ARHGAP6: variants seen among roughly 807,000 people sequenced by gnomAD.
The protein encoded by ARHGAP6 is Rho GTPase activating protein 6.
Under a neutral mutation model 55.7 loss-of-function variants are expected in ARHGAP6, and 16 were observed. That is an observed-to-expected ratio of 0.29 (90% CI 0.19 to 0.44). The LOEUF (loss-of-function observed/expected upper bound fraction) is 0.44. Ranked by LOEUF, ARHGAP6 falls within the 20% of genes least tolerant of loss-of-function variation. The probability of loss-of-function intolerance (pLI) is 1.00; values close to 1 mark genes in which losing one functional copy is unlikely to be tolerated. For synonymous variants in ARHGAP6, 382 were observed against 360.9 expected (o/e 1.06, Z -0.66); for missense variants, 698 against 808.9 (o/e 0.86, Z 1.66).
intron 9 of ARHGAP6, among the ~76,000 whole-genome samples, chrX:11,160,456 C>CAAA (rs558867795): frequency 0.025 from 1,882 of 75,428 alleles, 29 homozygotes; most frequent in Middle Eastern, 0.079. Context: ...GACTCTGTCT[C>CAAA]AAAAAAAAAA....
At chrX:11,213,485 G>T (rs907793688) in intron 2 of ARHGAP6, among the ~76,000 whole-genome samples, 14 of 112,239 alleles carry the variant, frequency 1.2e-4, no homozygotes, top group Middle Eastern at 4.6e-3. Context: ...CAATAGCAAA[G>T]ATATGGAATC....
intron 1 of ARHGAP6, chrX:11,265,776 T>A (rs1461421339): frequency 2.0e-5 from 19 of 929,116 alleles, no homozygotes; most frequent in South Asian, 4.7e-5. Flanking sequence ...TTTAAAAAAA[T>A]TATTTTTTTG....
intron 1 of ARHGAP6, among the ~76,000 whole-genome samples, chrX:11,327,175 T>C (rs1233880331): frequency 8.9e-6 from 1 of 112,293 alleles, no homozygotes; most frequent in Admixed American, 9.5e-5. Context: ...TTAGATTACA[T>C]GTCATCAACA....
chrX:11,151,260 C>A (rs918258685), intron 10 of ARHGAP6, among the ~76,000 whole-genome samples: 1 of 99,148 alleles, frequency 1.0e-5, no homozygotes. Flanking sequence ...GTCTTGCTTT[C>A]TTTTTTTTTT....
intron 1 of ARHGAP6, among the ~76,000 whole-genome samples, chrX:11,508,767 T>C (rs2050757481): frequency 1.9e-5 from 2 of 108,022 alleles, no homozygotes; most frequent in South Asian, 8.3e-4. Flanking sequence ...CCCCACCCCT[T>C]TCGAATCTCA....
chrX:11,321,452 A>T (rs2048431460), intron 1 of ARHGAP6, among the ~76,000 whole-genome samples: 1 of 112,065 alleles, frequency 8.9e-6, no homozygotes, highest in South Asian at 3.7e-4. Flanking sequence ...ATATAAAAAT[A>T]GTGCAATAAA....
intron 1 of ARHGAP6, among the ~76,000 whole-genome samples, chrX:11,320,314 C>T (rs945588779): frequency 5.4e-5 from 6 of 111,662 alleles, no homozygotes; most frequent in African/African-American, 2.0e-4. Flanking sequence ...CAGACCTCAG[C>T]GGCTACCAAT....
chrX:11,367,278 G>A (rs1056084894), intron 1 of ARHGAP6, among the ~76,000 whole-genome samples: 2 of 111,863 alleles, frequency 1.8e-5, no homozygotes, highest in African/African-American at 6.5e-5. Flanking sequence ...AAAAAGAGAT[G>A]GCTTTCAGAA....
intron 1 of ARHGAP6, among the ~76,000 whole-genome samples, chrX:11,463,309 A>C (rs780636076): frequency 9.0e-6 from 1 of 111,609 alleles, no homozygotes; most frequent in East Asian, 2.8e-4. Context: ...TAATTCAACT[A>C]TTGTGGTTTT....
At chrX:11,229,483 A>G (rs1401581332) in intron 2 of ARHGAP6, among the ~76,000 whole-genome samples, 1 of 112,036 alleles carries the variant, frequency 8.9e-6, no homozygotes, top group Admixed American at 9.5e-5. Context: ...ATGGCAAGGT[A>G]AATTATGTAG....
At chrX:11,371,865 A>C (rs1054491399) in intron 1 of ARHGAP6, among the ~76,000 whole-genome samples, 1 of 112,466 alleles carries the variant, frequency 8.9e-6, no homozygotes, top group African/African-American at 3.2e-5. Flanking sequence ...TGCTGTAAGT[A>C]CTACAGGAAA....
In ARHGAP6 at chrX:11,196,948, C is replaced by G. The variant is rs2147362130; in HGVS notation, c.797G>C (p.Gly266Ala). Residue 266 changes from glycine to alanine, a missense_variant, in exon 3 of 13, where the codon GGA (glycine) becomes GCA (alanine). By Grantham distance (60) the Gly-to-Ala change is moderately conservative. Coordinates refer to ENST00000337414, the MANE Select transcript of ARHGAP6 (RefSeq NM_013427.3). Reference sequence around the variant, plus strand: ...ACCTTTGTCTTTGTTTTTCTCCTTTCCTAGTGAATCCAGTTTCTTTCTTAA... The same window carrying G: ...ACCTTTGTCTTTGTTTTTCTCCTTTGCTAGTGAATCCAGTTTCTTTCTTAA... ...KSLRKKLDSL[G>A]KEKNKDKEFI... The G allele has an allele frequency of 2.7e-6, 3 of 1,104,789 alleles. No homozygotes were observed. In the East Asian group the frequency reaches 9.0e-5, roughly 33 times the overall value. 91.0% of individuals were successfully genotyped at this position (1,104,789 alleles called of 1,213,427 possible).
intron 1 of ARHGAP6, among the ~76,000 whole-genome samples, chrX:11,405,528 T>C (rs1342335419): frequency 1.8e-5 from 2 of 112,217 alleles, no homozygotes; most frequent in Non-Finnish European, 3.8e-5. Context: ...GTTTACTGTA[T>C]GATTATTACA....
chrX:11,427,419 AC>A (rs2049893551), intron 1 of ARHGAP6: 96 of 811,809 alleles, frequency 1.2e-4, no homozygotes, highest in Non-Finnish European at 1.4e-4. Flanking sequence ...GGGGTGACGT[AC>A]CCGGCCACCC....
chrX:11,457,984 A>G (rs1300575134), intron 1 of ARHGAP6, among the ~76,000 whole-genome samples: 1 of 112,126 alleles, frequency 8.9e-6, no homozygotes. Context: ...AGTTCTGGAA[A>G]ATCCATACCA....
chrX:11,251,501 T>C (rs1482236447), intron 2 of ARHGAP6, among the ~76,000 whole-genome samples: 8 of 111,852 alleles, frequency 7.2e-5, no homozygotes, highest in Non-Finnish European at 1.5e-4. Context: ...ATTTGAACCC[T>C]GGAAGCACCA....
chrX:11,454,110 ATTTTTT>A (rs1187605203), intron 1 of ARHGAP6, among the ~76,000 whole-genome samples: 8 of 76,822 alleles, frequency 1.0e-4, no homozygotes, highest in African/African-American at 2.6e-4. Context: ...CGCACGGCTA[ATTTTTT>A]TTTTTTTTTT....
At chrX:11,652,918 T>C (rs1230592437) in intron 1 of ARHGAP6, among the ~76,000 whole-genome samples, 2 of 111,970 alleles carry the variant, frequency 1.8e-5, no homozygotes, top group Non-Finnish European at 3.8e-5. Flanking sequence ...AAAATCAGTC[T>C]AGAAATGCTA....
In ARHGAP6 at chrX:11,184,450, A is replaced by G. The variant is rs979164897; in HGVS notation, c.1273+1786T>C. Among the ~76,000 whole-genome samples, 39 of 112,359 alleles carry G rather than the reference A, an allele frequency of 3.5e-4. 1 individual carries two copies. The highest frequency in any genetic ancestry group is 5.6e-5 in the Non-Finnish European group (3 of 53,304). On this transcript the variant is annotated intron_variant, in intron 5 of 12. Coordinates refer to ENST00000337414, the MANE Select transcript of ARHGAP6 (RefSeq NM_013427.3). ...CAAAGTAAACATCTCAATTTGTTTT[A>G]GTTGTGTTTTCTATCTCTTGGTAGA...
Sources: gnomAD v4.1 joint callset for allele counts (sites outside exome capture counted in the v4.1 genomes callset) on GRCh38, gnomAD v4.1.1 for gene constraint, MANE v1.5 for transcripts, NCBI Gene and HGNC (gene_info 2026-07-23, HGNC 2026-07-21) for gene names.